Variants in GULP1 observed in about 807,000 individuals in gnomAD.
GULP1 encodes the protein PTB domain-containing engulfment adapter protein 1.
A neutral mutation model predicts 40.9 loss-of-function variants in GULP1; 19 were observed. The ratio of observed to expected loss-of-function variants is 0.46; its 90% CI spans 0.32 to 0.68. The LOEUF (loss-of-function observed/expected upper bound fraction) is 0.68. GULP1 is among the 30% of genes least tolerant of loss of function. GULP1 has a pLI of 0.03. For missense variants in GULP1, 312 were observed against 362.2 expected (o/e 0.86, Z 1.12); for synonymous variants, 119 against 117.6 (o/e 1.01, Z -0.08).
chr2:188,394,238 T>G (rs1349555673), intron 2 of GULP1, among the ~76,000 whole-genome samples: 1 of 152,270 alleles, frequency 6.6e-6, no homozygotes, highest in East Asian at 1.9e-4. Context: ...ATTTTTTCTT[T>G]ATTTTTGTCT....
intron 2 of GULP1, among the ~76,000 whole-genome samples, chr2:188,473,757 G>C (rs1347102817): frequency 1.3e-5 from 2 of 152,094 alleles, no homozygotes; most frequent in Non-Finnish European, 2.9e-5. Flanking sequence ...GAGACGAGTT[G>C]GTTCTCTACC....
chr2:188,293,828 C>T (rs950242507), intron 1 of GULP1: 2 of 152,246 alleles, frequency 1.3e-5, no homozygotes, highest in Non-Finnish European at 2.9e-5. Flanking sequence ...AGACTGAGCT[C>T]AGTAGCCAGG....
intron 1 of GULP1, among the ~76,000 whole-genome samples, chr2:188,355,980 C>T (rs2045248208): frequency 6.6e-6 from 1 of 152,000 alleles, no homozygotes; most frequent in African/African-American, 2.4e-5. Flanking sequence ...TAAAATTCAA[C>T]ACATCTGTTC....
At chr2:188,372,985 C>A (rs1009678803) in intron 1 of GULP1, among the ~76,000 whole-genome samples, 20 of 151,880 alleles carry the variant, frequency 1.3e-4, no homozygotes, top group African/African-American at 4.8e-4. Context: ...GAAAGATGTC[C>A]TTAGCTTGGG....
chr2:188,479,666 C>T (rs1426302281), intron 3 of GULP1, among the ~76,000 whole-genome samples: 3 of 152,024 alleles, frequency 2.0e-5, no homozygotes, highest in Non-Finnish European at 4.4e-5. Flanking sequence ...TACTTCTAGA[C>T]CTTCTTTTTA....
At chr2:188,345,633 A>G (rs1046855106) in intron 1 of GULP1, among the ~76,000 whole-genome samples, 13 of 152,192 alleles carry the variant, frequency 8.5e-5, no homozygotes, top group Non-Finnish European at 1.5e-5. Context: ...ACCAGTATGT[A>G]TGAAATGAGG....
chr2:188,514,242 A>G (rs2064951804), intron 4 of GULP1, among the ~76,000 whole-genome samples: 1 of 152,166 alleles, frequency 6.6e-6, no homozygotes, highest in Admixed American at 6.5e-5. Context: ...TGTATAGCTC[A>G]CATTTATTTT....
chr2:188,340,530 T>G (rs905739713), intron 1 of GULP1, among the ~76,000 whole-genome samples: 1 of 152,166 alleles, frequency 6.6e-6, no homozygotes, highest in African/African-American at 2.4e-5. Flanking sequence ...GGAGTACTCA[T>G]GACCCCTGAA....
intron 2 of GULP1, among the ~76,000 whole-genome samples, chr2:188,428,806 A>C (rs1575183331): frequency 1.3e-5 from 2 of 152,238 alleles, no homozygotes; most frequent in South Asian, 4.1e-4. Flanking sequence ...ACATTCAGAG[A>C]ATGACTAATT....
intron 1 of GULP1, among the ~76,000 whole-genome samples, chr2:188,352,333 A>C (rs1359310580): frequency 1.3e-5 from 2 of 152,096 alleles, no homozygotes; most frequent in African/African-American, 2.4e-5. Flanking sequence ...CATGAGCTGG[A>C]ACACTGGTCT....
chr2:188,321,091 G>A (rs2039913180), intron 1 of GULP1, among the ~76,000 whole-genome samples: 1 of 151,962 alleles, frequency 6.6e-6, no homozygotes. Flanking sequence ...TTCTACTATA[G>A]GCTATTTTAA....
intron 1 of GULP1, among the ~76,000 whole-genome samples, chr2:188,325,937 G>A (rs186870699): frequency 1.8e-4 from 27 of 152,218 alleles, no homozygotes; most frequent in African/African-American, 2.4e-5. Context: ...ATTCTTGTAC[G>A]CATTGTTGCA....
At chr2:188,495,170 C>T (rs1300589637) in intron 4 of GULP1, among the ~76,000 whole-genome samples, 1 of 152,052 alleles carries the variant, frequency 6.6e-6, no homozygotes, top group African/African-American at 2.4e-5. Context: ...CTTACTTTCA[C>T]CAGTTACTGT....
At chr2:188,575,329 T>C (rs2153444475) in intron 9 of GULP1, among the ~76,000 whole-genome samples, 1 of 152,344 alleles carries the variant, frequency 6.6e-6, no homozygotes, top group East Asian at 1.9e-4. Flanking sequence ...ACTGAAGATC[T>C]AATATTTCCA....
chr2:188,580,296 G>A (rs1477691432), intron 9 of GULP1, among the ~76,000 whole-genome samples: 1 of 152,202 alleles, frequency 6.6e-6, no homozygotes, highest in Non-Finnish European at 1.5e-5. Flanking sequence ...GCTCACGCCT[G>A]TAATCCCAGC....
intron 7 of GULP1, among the ~76,000 whole-genome samples, chr2:188,561,215 G>C (rs1696178447): frequency 6.6e-6 from 1 of 152,206 alleles, no homozygotes; most frequent in Admixed American, 6.5e-5. Flanking sequence ...ATATATGCTG[G>C]CAGTGGTATT....
At chr2:188,498,119 T>TA (rs2063077686) in intron 4 of GULP1, among the ~76,000 whole-genome samples, 1 of 151,976 alleles carries the variant, frequency 6.6e-6, no homozygotes, top group South Asian at 2.1e-4. Flanking sequence ...GAAATTATCT[T>TA]AGTGTTTCAG....
At chr2:188,436,120 T>C (rs142392835) in intron 2 of GULP1, among the ~76,000 whole-genome samples, 1 of 152,066 alleles carries the variant, frequency 6.6e-6, no homozygotes, top group African/African-American at 2.4e-5. Flanking sequence ...GGGGAGAGAT[T>C]GTACAGGGTG....
chr2:188,298,445 T>C (rs2105974302), intron 1 of GULP1, among the ~76,000 whole-genome samples: 1 of 152,180 alleles, frequency 6.6e-6, no homozygotes, highest in South Asian at 2.1e-4. Context: ...AGTAAACAAA[T>C]TTTATTTGAA....
Sources: gnomAD v4.1 joint callset for allele counts (sites outside exome capture counted in the v4.1 genomes callset) on GRCh38, gnomAD v4.1.1 for gene constraint, MANE v1.5 for transcripts, NCBI Gene and HGNC (gene_info 2026-07-23, HGNC 2026-07-21) for gene names.